Variants in FGD5 observed in about 807,000 individuals in gnomAD.
FGD5 encodes FYVE, RhoGEF and PH domain-containing protein 5.
A neutral mutation model predicts 133.4 loss-of-function variants in FGD5; 28 were observed. The observed-to-expected ratio is 0.21, with a 90% CI of 0.16 to 0.29. FGD5 has a LOEUF of 0.29. Ranked by LOEUF, FGD5 falls within the 10% of genes least tolerant of loss-of-function variation. The pLI, the probability that FGD5 is intolerant of heterozygous loss-of-function variation, is 1.00. For missense variants in FGD5, 1,858 were observed against 1,895.2 expected (o/e 0.98, Z 0.36); for synonymous variants, 810 against 776.5 (o/e 1.04, Z -0.72).
chr3:14,925,962 A>G, intron 17 of FGD5, 108 bp from the exon 18 acceptor site: 1 of 1,410,892 alleles, frequency 7.1e-7, no homozygotes, highest in Non-Finnish European at 9.6e-7. Flanking sequence ...GTGTCAAAGC[A>G]GTATAAGTAG....
At position 14,819,252 on chromosome 3, in the gene FGD5, A is replaced by T. The variant is rs2036431306; in HGVS notation, c.181A>T (p.Thr61Ser). ...RSIPKCSESETDEDYIVVPRV... is the reference protein window; with the variant it reads ...RSIPKCSESESDEDYIVVPRV... Reference sequence around the variant, plus strand: ...CATCCCAAAGTGCTCTGAGTCGGAGACCGACGAGGATTACATCGTGGTCCC... The same window carrying T: ...CATCCCAAAGTGCTCTGAGTCGGAGTCCGACGAGGATTACATCGTGGTCCC... Residue 61 changes from threonine (T) to serine (S), a missense_variant, in exon 1 of 20, where the codon ACC (threonine) becomes TCC (serine). This residue lies in a region of FGD5 where 1,824 missense variants were observed against 1,848.9 expected (regional missense o/e 0.99). Coordinates refer to ENST00000285046, the MANE Select transcript of FGD5 (RefSeq NM_152536.4). This position sits in a 1 kb window ranked among gnomAD's most constrained non-coding sequence, Gnocchi z 4.1. 7.1e-6 allele frequency: 11 copies of T among 1,539,222 alleles called. No homozygotes were observed. The South Asian group carries it at 1.4e-4, about 19-fold the overall frequency.
At position 14,927,600 on chromosome 3, in the gene FGD5, A is replaced by G. The variant is rs1402455701; in HGVS notation, c.4197+1402A>G. On this transcript the variant is annotated intron_variant, in intron 18 of 19. Transcript: ENST00000285046. ...AAAGCTTTCAAATACCATCAAAGAA[A>G]AAAAGGTTCTGATGAAGTGGATAGC... Among the ~76,000 whole-genome samples the G allele has an allele frequency of 3.3e-5, 5 of 152,210 alleles. No individual in the cohort carries two copies. In the South Asian group the frequency reaches 8.3e-4, roughly 25 times the overall value.
chr3:14,818,926 T>C, upstream of FGD5: 1 of 1,432,800 alleles, frequency 7.0e-7, no homozygotes, highest in Non-Finnish European at 9.1e-7. Context: ...AATTGTACTT[T>C]TTCTCCTTTT....
chr3:14,918,860 G>A (rs779450217), intron 13 of FGD5, 27 bp downstream of exon 13: 13 of 1,610,708 alleles, frequency 8.1e-6, no homozygotes, highest in South Asian at 4.4e-5. Flanking sequence ...GGAGGATGGC[G>A]CACAAGGCAG....
intron 10 of FGD5, among the ~76,000 whole-genome samples, chr3:14,908,531 A>C (rs920584800): frequency 4.6e-5 from 7 of 152,174 alleles, no homozygotes; most frequent in Admixed American, 2.0e-4. Flanking sequence ...AAAATCCCAA[A>C]AATATAATTC....
rs1434379859 is a variant in FGD5, at chr3:14,917,742, T to C, written c.3489+410T>C. Among the ~76,000 whole-genome samples, 3 of 152,278 alleles carry C rather than the reference T, an allele frequency of 2.0e-5. No homozygotes were observed. Among genetic ancestry groups the C allele is most frequent in the African/African-American group, 4.8e-5 (2 of 41,534 alleles). ...TTCTGTGGCACTAAGCACATTTACA[T>C]TGCTGTGTATCCAGCACCACCATCC... On this transcript the variant is annotated intron_variant, in intron 12 of 19. Transcript: ENST00000285046. The surrounding 1 kb of genome is among the most constrained non-coding windows in gnomAD (Gnocchi z 4.1).
chr3:14,910,806 T>G, intron 10 of FGD5, 55 bp from the exon 11 acceptor site: 3 of 1,537,336 alleles, frequency 2.0e-6, no homozygotes, highest in Admixed American at 1.8e-5. Flanking sequence ...TGCACCCTTG[T>G]CTGGGATTCA....
At chr3:14,904,505 G>GGGGTGTGT (rs1553630566) in intron 9 of FGD5, among the ~76,000 whole-genome samples, 7 of 150,968 alleles carry the variant, frequency 4.6e-5, no homozygotes, top group East Asian at 1.9e-4. Context: ...TAGATTTCAG[G>GGGGTGTGT]GTGTGTGTGT....
intron 1 of FGD5, among the ~76,000 whole-genome samples, chr3:14,860,993 C>T (rs1256465690): frequency 6.6e-6 from 1 of 152,052 alleles, no homozygotes; most frequent in Non-Finnish European, 1.5e-5. Flanking sequence ...AATAATAATA[C>T]ATTTAAAAAT....
Position 14,874,365 on chromosome 3 carries a change from A to G in FGD5, c.2659-6207A>G, listed in dbSNP as rs538062833. On this transcript the variant is annotated intron_variant, in intron 2 of 19. Transcript: ENST00000285046. ...GAGACCTCGTCTCTACAAAAAATAA[A>G]AAAATTAGCTGGGTGTGATGGCGTG... 4.6e-5 allele frequency among the ~76,000 whole-genome samples: 7 copies of G among 152,234 alleles called. No homozygotes were observed. The South Asian group carries it at 1.5e-3, about 32-fold the overall frequency.
At chr3:14,855,086 T>G (rs1559481476) in intron 1 of FGD5, among the ~76,000 whole-genome samples, 1 of 152,228 alleles carries the variant, frequency 6.6e-6, no homozygotes, top group Non-Finnish European at 1.5e-5. Flanking sequence ...TTTTTTTTAG[T>G]TTCCACATAT....
chr3:14,821,440 C>T lies in FGD5; in HGVS notation c.2369C>T (p.Pro790Leu), dbSNP rs553642417. ...MNSDYENIQI[P>L]PRRPARAGAF... ...TCGGACTATGAGAATATCCAGATTC[C>T]ACCCCGGAGACCTGCCAGGGCTGGC... The change falls in exon 1 of 20, where the codon CCA (proline) becomes CTA (leucine). Residue 790 changes from proline (P) to leucine (L), a missense_variant. Pro to Leu is a moderately conservative substitution (Grantham distance 98). This residue lies in a region of FGD5 where 1,824 missense variants were observed against 1,848.9 expected (regional missense o/e 0.99). Coordinates refer to ENST00000285046, the MANE Select transcript of FGD5 (RefSeq NM_152536.4). The T allele has an allele frequency of 2.5e-6, 4 of 1,613,988 alleles. No homozygotes were observed. The highest frequency in any genetic ancestry group is 2.7e-5 in the African/African-American group (2 of 75,044).
intron 18 of FGD5, chr3:14,930,751 A>G (rs1000589560): frequency 3.3e-5 from 5 of 152,228 alleles, no homozygotes; most frequent in Admixed American, 6.5e-5. Flanking sequence ...AACATGGTAC[A>G]TAAATTTTCA....
chr3:14,924,278 C>T (rs979564854), intron 17 of FGD5, 140 bp downstream of exon 17: 5 of 1,323,868 alleles, frequency 3.8e-6, no homozygotes, highest in Non-Finnish European at 5.2e-6. Flanking sequence ...GGAAGCATCC[C>T]AGCTACGAGG....
intron 1 of FGD5, among the ~76,000 whole-genome samples, chr3:14,844,217 A>AAAAAATATAT (rs1559477363): frequency 4.9e-5 from 1 of 20,374 alleles, no homozygotes; most frequent in African/African-American, 2.1e-4. Context: ...AAAAAAAAAA[A>AAAAAATATAT]ATATATATAT....
chr3:14,897,567 C>A lies in FGD5; in HGVS notation c.2807C>A (p.Thr936Lys). ...LDDMDHEGRD[T>K]LAREELRQGL... ...GACATGGACCATGAAGGCAGAGACA[C>A]ATTGGCCCGGGAGGAGCTGAGGCAG... The change falls in exon 5 of 20, where the codon ACA becomes AAA. Residue 936 changes from threonine to lysine, a missense_variant. Physicochemically the swap from Thr to Lys is moderately conservative, Grantham distance 78. This residue lies in a region of FGD5 where 1,824 missense variants were observed against 1,848.9 expected (regional missense o/e 0.99). Coordinates refer to ENST00000285046, the MANE Select transcript of FGD5 (RefSeq NM_152536.4). 6.2e-7 allele frequency: 1 copy of A among 1,605,122 alleles called. No individual in the cohort carries two copies.
intron 11 of FGD5, among the ~76,000 whole-genome samples, chr3:14,916,020 A>C (rs192982136): frequency 6.6e-6 from 1 of 152,038 alleles, no homozygotes; most frequent in Non-Finnish European, 1.5e-5. Context: ...TGCCATGTGC[A>C]TAGGGCTCCC....
Position 14,819,201 on chromosome 3 carries a change from A to T in FGD5, c.130A>T (p.Arg44Trp). ...CSNGRLPCVD[R>W]GLDEGPRSIP... ...CAACGGGCGGCTGCCCTGTGTAGAC[A>T]GGGGGCTTGATGAGGGGCCCCGGTC... The change falls in exon 1 of 20, where the codon AGG (arginine) becomes TGG (tryptophan). Residue 44 changes from arginine (R) to tryptophan (W), a missense_variant. By Grantham distance (101) the Arg-to-Trp change is moderately radical. Coordinates refer to ENST00000285046, the MANE Select transcript of FGD5 (RefSeq NM_152536.4). This position sits in a 1 kb window ranked among gnomAD's most constrained non-coding sequence, Gnocchi z 4.1. 1 of 1,550,500 alleles carries T rather than the reference A, an allele frequency of 6.4e-7. No homozygotes were observed. Among genetic ancestry groups the T allele is most frequent in the Non-Finnish European group, 8.7e-7 (1 of 1,146,648 alleles).
chr3:14,819,985 A>C lies in FGD5; in HGVS notation c.914A>C (p.Gln305Pro). ...EPPDHEKKTN[Q>P]EVAAATLEDH... ...CCTGACCACGAGAAGAAAACCAACCAAGAAGTGGCAGCCGCCACCCTGGAG... is the reference window on the plus strand; with the variant it reads ...CCTGACCACGAGAAGAAAACCAACCCAGAAGTGGCAGCCGCCACCCTGGAG... Residue 305 changes from glutamine to proline, a missense_variant, in exon 1 of 20, where the codon CAA becomes CCA. Gln to Pro is a moderately conservative substitution (Grantham distance 76). Transcript: ENST00000285046. This position sits in a 1 kb window ranked among gnomAD's most constrained non-coding sequence, Gnocchi z 4.1. 1 of 1,613,910 alleles carries C rather than the reference A, an allele frequency of 6.2e-7. No individual in the cohort carries two copies. The highest frequency in any genetic ancestry group is 8.5e-7 in the Non-Finnish European group (1 of 1,179,858).
Sources: gnomAD v4.1 joint callset for allele counts (sites outside exome capture counted in the v4.1 genomes callset) on GRCh38, gnomAD v4.1.1 for gene constraint, gnomAD v4.1.1 regional missense constraint, Gnocchi (gnomAD v3.1) non-coding constraint, MANE v1.5 for transcripts, NCBI Gene and HGNC (gene_info 2026-07-23, HGNC 2026-07-21) for gene names.